Variants in HOXB3 observed in about 807,000 individuals in gnomAD.
HOXB3 encodes homeobox protein Hox-B3.
HOXB3 carries 17 observed loss-of-function variants against 29.2 expected under a neutral mutation model. The observed-to-expected ratio is 0.58, with a 90% CI of 0.40 to 0.87. The LOEUF (loss-of-function observed/expected upper bound fraction) is 0.87. HOXB3 is among the 40% of genes least tolerant of loss of function. The pLI is 0.00. For missense variants in HOXB3, 637 were observed against 616.3 expected (o/e 1.03, Z -0.35); for synonymous variants, 317 against 285.9 (o/e 1.11, Z -1.10).
chr17:48,578,310 T>C (rs1318380493), intron 1 of HOXB3: 1 of 1,608,884 alleles, frequency 6.2e-7, no homozygotes, highest in African/African-American at 1.3e-5. Context: ...AAAAAAGAAC[T>C]CATAGCCATT....
intron 2 of HOXB3, among the ~76,000 whole-genome samples, chr17:48,560,928 C>A (rs915222514): frequency 7.2e-5 from 11 of 152,144 alleles, no homozygotes; most frequent in Non-Finnish European, 1.2e-4. Context: ...ACCTTAAAAA[C>A]CACACTCTGT....
At chr17:48,562,150 G>C (rs551751307) in intron 2 of HOXB3, among the ~76,000 whole-genome samples, 1 of 152,268 alleles carries the variant, frequency 6.6e-6, no homozygotes, top group East Asian at 1.9e-4. Flanking sequence ...CAAACCAAAA[G>C]TGCTATATTT....
intron 1 of HOXB3, among the ~76,000 whole-genome samples, chr17:48,583,297 G>A (rs551229417): frequency 2.6e-5 from 4 of 152,016 alleles, no homozygotes; most frequent in Non-Finnish European, 5.9e-5. Flanking sequence ...CCCTCCCCCC[G>A]AAGAATCGTT....
At chr17:48,584,926 A>G (rs867403493) in intron 1 of HOXB3, among the ~76,000 whole-genome samples, 1 of 78,900 alleles carries the variant, frequency 1.3e-5, no homozygotes, top group Non-Finnish European at 2.7e-5. Context: ...CCACCGCCCC[A>G]CCCCGCCCCC....
chr17:48,566,599 G>T (rs553236024), intron 2 of HOXB3, among the ~76,000 whole-genome samples: 1 of 152,266 alleles, frequency 6.6e-6, no homozygotes, highest in East Asian at 1.9e-4. Flanking sequence ...TGTGGGACTG[G>T]CTCTCCATGC....
chr17:48,566,175 G>T (rs948805448), intron 2 of HOXB3, among the ~76,000 whole-genome samples: 2 of 152,176 alleles, frequency 1.3e-5, no homozygotes, highest in Non-Finnish European at 2.9e-5. Context: ...TGCAGGACTG[G>T]TAAGAGACAG....
chr17:48,552,483 GAGGCCTGGGCAGTGGGTGGCAACTTGGAA>G lies in HOXB3; in HGVS notation c.-38_-10del. 2 of 1,560,122 alleles carry G rather than the reference GAGGCCTGGGCAGTGGGTGGCAACTTGGAA, an allele frequency of 1.3e-6. No homozygotes were observed. The highest frequency in any genetic ancestry group is 2.5e-5 in the South Asian group (2 of 81,488). On this transcript the variant is annotated 5_prime_UTR_variant, in exon 4 of 5. Transcript: ENST00000498678. Reference sequence around the variant, plus strand: ...TAGGTGGCTTTCTGCATCGCTGGGTGAGGCCTGGGCAGTGGGTGGCAACTTGGAAAGGCCTGATACCCTCAGGACCGGAC... The same window carrying G: ...TAGGTGGCTTTCTGCATCGCTGGGTGAGGCCTGATACCCTCAGGACCGGAC...
chr17:48,571,497 G>A (rs1297926507), intron 2 of HOXB3, among the ~76,000 whole-genome samples: 1 of 152,238 alleles, frequency 6.6e-6, no homozygotes, highest in Non-Finnish European at 1.5e-5. Context: ...GTGGCACTAG[G>A]ATTGTCTGGA....
chr17:48,567,385 G>A (rs1057045708), intron 2 of HOXB3, among the ~76,000 whole-genome samples: 5 of 152,186 alleles, frequency 3.3e-5, no homozygotes, highest in African/African-American at 1.2e-4. Context: ...AGATAATCGT[G>A]GCTATAAAGT....
chr17:48,564,033 A>G (rs1450881638), intron 2 of HOXB3, among the ~76,000 whole-genome samples: 1 of 90,800 alleles, frequency 1.1e-5, no homozygotes, highest in South Asian at 4.1e-4. Context: ...CTCGTCCTCC[A>G]CCCCCAGGTC....
chr17:48,587,898 C>T (rs554724617), intron 1 of HOXB3, among the ~76,000 whole-genome samples: 1 of 152,392 alleles, frequency 6.6e-6, no homozygotes, highest in South Asian at 2.1e-4. Flanking sequence ...CAGCCTTAAT[C>T]TCCAGCTGTC....
intron 1 of HOXB3, among the ~76,000 whole-genome samples, chr17:48,584,456 C>T (rs2070008540): frequency 6.6e-6 from 1 of 152,202 alleles, no homozygotes; most frequent in Non-Finnish European, 1.5e-5. Context: ...CTGCCTCTCC[C>T]AGGGGTGGAG....
At chr17:48,576,911 C>T in intron 1 of HOXB3, 1 of 1,614,256 alleles carries the variant, frequency 6.2e-7, no homozygotes, top group Non-Finnish European at 8.5e-7. Context: ...CCCTCCGGCG[C>T]CGTGTCAGGT....
Position 48,552,237 on chromosome 17 carries a change from G to C in HOXB3, c.238C>G (p.Pro80Ala). ...NGSCMRPGLAPEPLSAPPGSP... is the reference protein window; with the variant it reads ...NGSCMRPGLAAEPLSAPPGSP... ...CCAGGCGGGGCCGACAGGGGCTCGG[G>C]GGCCAGACCCGGCCTCATGCAGCTG... is the stretch of plus-strand genomic sequence containing the variant. The change falls in exon 4 of 5, where the codon CCC (proline) becomes GCC (alanine). Residue 80 changes from proline (P) to alanine (A), a missense_variant. By Grantham distance (27) the Pro-to-Ala change is conservative. Transcript: ENST00000498678. The C allele has an allele frequency of 6.2e-7, 1 of 1,612,780 alleles. No individual in the cohort carries two copies. The highest frequency in any genetic ancestry group is 8.5e-7 in the Non-Finnish European group (1 of 1,179,750).
At chr17:48,564,607 G>A (rs2069326721) in intron 2 of HOXB3, among the ~76,000 whole-genome samples, 1 of 152,248 alleles carries the variant, frequency 6.6e-6, no homozygotes, top group African/African-American at 2.4e-5. Context: ...TTTGAGAGCG[G>A]GCCAAGTTGC....
intron 2 of HOXB3, among the ~76,000 whole-genome samples, chr17:48,571,268 G>A (rs930698097): frequency 2.6e-5 from 4 of 152,206 alleles, no homozygotes; most frequent in African/African-American, 9.7e-5. Context: ...AACTCACGCT[G>A]AGAAACTTCC....
At chr17:48,586,789 C>A (rs1183882887) in intron 1 of HOXB3, among the ~76,000 whole-genome samples, 1 of 152,206 alleles carries the variant, frequency 6.6e-6, no homozygotes, top group Non-Finnish European at 1.5e-5. Flanking sequence ...AAGACCATCA[C>A]TACCAACAAC....
intron 3 of HOXB3, 98 bp from the exon 4 acceptor site, chr17:48,552,730 C>T (rs2068814449): frequency 2.4e-6 from 1 of 414,384 alleles, no homozygotes. Context: ...AGGGTTTTTT[C>T]TTTTCCCCTC....
Position 48,549,375 on chromosome 17 carries a change from A to G in HOXB3, c.*959T>C, listed in dbSNP as rs1478235110. ...GTTGTTTTTACATCCATTAAAATGTAAATTCTAAGTGCAACAAAAGTGTCC... is the reference window on the plus strand; with the variant it reads ...GTTGTTTTTACATCCATTAAAATGTGAATTCTAAGTGCAACAAAAGTGTCC... On this transcript the variant is annotated 3_prime_UTR_variant, in exon 5 of 5. Coordinates refer to ENST00000498678, the MANE Select transcript of HOXB3 (RefSeq NM_001384749.1). The G allele has an allele frequency of 6.6e-6, 1 of 152,608 alleles. No homozygotes were observed. Among genetic ancestry groups the G allele is most frequent in the African/African-American group, 2.4e-5 (1 of 41,444 alleles). The allele number at this position is 152,608 out of a possible 1,614,324, so 9.5% of individuals were successfully genotyped here.
Sources: gnomAD v4.1 joint callset for allele counts (sites outside exome capture counted in the v4.1 genomes callset) on GRCh38, gnomAD v4.1.1 for gene constraint, MANE v1.5 for transcripts, NCBI Gene and HGNC (gene_info 2026-07-23, HGNC 2026-07-21) for gene names.